Variants in THNSL1 observed in about 807,000 individuals in gnomAD.
The protein encoded by THNSL1 is threonine synthase like 1, also known as threonine synthase-like 1.
Under a neutral mutation model 50.4 loss-of-function variants are expected in THNSL1, and 48 were observed. The ratio of observed to expected loss-of-function variants is 0.95; its 90% CI spans 0.76 to 1.21. The LOEUF (loss-of-function observed/expected upper bound fraction) is 1.21. THNSL1 is among the 50% of genes most tolerant of loss of function. THNSL1 has a pLI of 0.00. For synonymous variants in THNSL1, 309 were observed against 306.1 expected (o/e 1.01, Z -0.10); for missense variants, 896 against 871.7 (o/e 1.03, Z -0.35).
chr10:25,016,945 C>T (rs891524973), intron 1 of THNSL1, among the ~76,000 whole-genome samples: 38 of 152,296 alleles, frequency 2.5e-4, no homozygotes, highest in African/African-American at 7.7e-4. Flanking sequence ...CTCCTCGGAA[C>T]GCCGCGCAGC....
chr10:24,953,216 C>CCCCTCACCTCCCTCCATCTT, the THNSL1 span: 3 of 152,144 alleles, frequency 2.0e-5, no homozygotes, highest in Non-Finnish European at 2.9e-5. Flanking sequence ...CCCTCCACCT[C>CCCCTCACCTCCCTCCATCTT]CCCTCACCTC....
At chr10:25,011,527 C>T in the THNSL1 span, among the ~76,000 whole-genome samples, 6 of 152,082 alleles carry the variant, frequency 3.9e-5, no homozygotes, top group Non-Finnish European at 8.8e-5. Flanking sequence ...ACTGGCTAGC[C>T]ATATGTAGAA....
At chr10:25,016,078 C>A, upstream of THNSL1, 1 of 1,385,980 alleles carries the variant, frequency 7.2e-7, no homozygotes, top group East Asian at 2.7e-5. Flanking sequence ...CACATCGTCC[C>A]CCTTTAACCC....
At chr10:24,975,105 G>A in the THNSL1 span, among the ~76,000 whole-genome samples, 2 of 152,122 alleles carry the variant, frequency 1.3e-5, no homozygotes, top group African/African-American at 4.8e-5. Context: ...AGGGTGCTCT[G>A]GGCCTAAAGC....
rs1437232079 is a variant in THNSL1, at chr10:25,026,117, G to A, written c.*662G>A. ...TGATCTTGAACCTCTGACCTCAGGT[G>A]ATCCATCCACCTCGGCCTCCCAAAG... On this transcript the variant is annotated 3_prime_UTR_variant, in exon 3 of 3. Coordinates refer to ENST00000376356, the MANE Select transcript of THNSL1 (RefSeq NM_024838.5). The A allele has an allele frequency of 6.3e-6, 1 of 158,158 alleles. No individual in the cohort carries two copies. Among genetic ancestry groups the A allele is most frequent in the East Asian group, 1.9e-4 (1 of 5,196 alleles). The allele number at this position is 158,158 out of a possible 1,614,324, so 9.8% of individuals were successfully genotyped here.
At chr10:25,013,233 G>T (rs111437747), upstream of THNSL1, among the ~76,000 whole-genome samples, 1 of 152,134 alleles carries the variant, frequency 6.6e-6, no homozygotes, top group East Asian at 1.9e-4. Context: ...TATTAGCAGC[G>T]TGAGAACAGA....
the THNSL1 span, among the ~76,000 whole-genome samples, chr10:24,971,037 G>A: frequency 6.6e-6 from 1 of 151,944 alleles, no homozygotes; most frequent in African/African-American, 2.4e-5. Flanking sequence ...AAAATAGTTT[G>A]CACATCCAAC....
At chr10:25,000,361 C>T in the THNSL1 span, among the ~76,000 whole-genome samples, 1 of 152,102 alleles carries the variant, frequency 6.6e-6, no homozygotes, top group East Asian at 1.9e-4. Flanking sequence ...TTCAAATGTT[C>T]TGTATCCTTC....
In THNSL1 at chr10:25,024,761, A is replaced by T; in HGVS notation, c.1538A>T (p.Asn513Ile). ...TGTATTCCCACAGGAAACTTTGGTA[A>T]CATTTTAGCAGCAGTGTATGCCAAA... ...DVCIPTGNFG[N>I]ILAAVYAKMM... Residue 513 changes from asparagine to isoleucine, a missense_variant, in exon 3 of 3, where the codon AAC becomes ATC. Physicochemically the swap from Asn to Ile is moderately radical, Grantham distance 149. Coordinates refer to ENST00000376356, the MANE Select transcript of THNSL1 (RefSeq NM_024838.5). 1 of 1,614,160 alleles carries T rather than the reference A, an allele frequency of 6.2e-7. No homozygotes were observed. Among genetic ancestry groups the T allele is most frequent in the Non-Finnish European group, 8.5e-7 (1 of 1,180,032 alleles).
chr10:25,005,975 C>T, the THNSL1 span, among the ~76,000 whole-genome samples: 1 of 152,064 alleles, frequency 6.6e-6, no homozygotes, highest in African/African-American at 2.4e-5. Flanking sequence ...GTGCCACATG[C>T]GGAAATCATA....
At chr10:24,960,704 C>T in the THNSL1 span, among the ~76,000 whole-genome samples, 9 of 152,036 alleles carry the variant, frequency 5.9e-5, no homozygotes, top group East Asian at 3.9e-4. Context: ...ACCCTCACCA[C>T]GCCTAATCCT....
chr10:24,965,579 G>A, the THNSL1 span, among the ~76,000 whole-genome samples: 4 of 152,206 alleles, frequency 2.6e-5, no homozygotes, highest in African/African-American at 9.7e-5. Context: ...TAAGTTCTCT[G>A]TGAAATATAA....
intron 1 of THNSL1, among the ~76,000 whole-genome samples, chr10:25,017,092 G>A (rs141278381): frequency 1.3e-3 from 200 of 152,312 alleles, no homozygotes; most frequent in African/African-American, 4.7e-3. Context: ...TCTTCCCCGG[G>A]TCGGGACTCT....
At chr10:24,952,401 G>T in the THNSL1 span, 6 of 1,133,028 alleles carry the variant, frequency 5.3e-6, no homozygotes, top group African/African-American at 6.2e-5. This position sits in a 1 kb window ranked among gnomAD's most constrained non-coding sequence, Gnocchi z 5.1. Flanking sequence ...AGCGATCCCC[G>T]CCGGGAGGGA....
chr10:24,958,745 T>C, the THNSL1 span, among the ~76,000 whole-genome samples: 1 of 152,176 alleles, frequency 6.6e-6, no homozygotes, highest in Admixed American at 6.5e-5. Context: ...ACACAGAGGG[T>C]AGATCTAAGT....
At chr10:25,015,698 A>C, upstream of THNSL1, among the ~76,000 whole-genome samples, 1 of 152,184 alleles carries the variant, frequency 6.6e-6, no homozygotes. Flanking sequence ...CTGAATACCT[A>C]GATATTTCGA....
At chr10:24,994,316 A>G in the THNSL1 span, among the ~76,000 whole-genome samples, 1 of 124,184 alleles carries the variant, frequency 8.1e-6, no homozygotes, top group Non-Finnish European at 1.7e-5. Context: ...GCAACTTATT[A>G]TTCTTTAGAA....
the THNSL1 span, among the ~76,000 whole-genome samples, chr10:24,974,279 TA>T: frequency 0.044 from 6,710 of 151,756 alleles, 389 homozygotes; most frequent in African/African-American, 0.13. Flanking sequence ...ATGTGATTTT[TA>T]AAAAAAAATC....
chr10:24,995,265 C>T, the THNSL1 span, among the ~76,000 whole-genome samples: 562 of 152,300 alleles, frequency 3.7e-3, 8 homozygotes, highest in African/African-American at 0.013. Flanking sequence ...CAAGTTACTG[C>T]AATTAATGAC....
Sources: allele counts gnomAD v4.1 joint callset (sites outside exome capture counted in the v4.1 genomes callset), GRCh38; gene constraint gnomAD v4.1.1; non-coding constraint Gnocchi (gnomAD v3.1); transcripts MANE v1.5; gene names NCBI Gene and HGNC (gene_info 2026-07-23, HGNC 2026-07-21).